The following LRRC37A2 variants were observed in gnomAD, a reference collection of about 807,000 sequenced individuals.
LRRC37A2 encodes leucine-rich repeat-containing protein 37A2.
In LRRC37A2, 9 loss-of-function variants were observed where a neutral mutation model predicts 68.8. That is an observed-to-expected ratio of 0.13 (90% CI 0.08 to 0.23). LRRC37A2 has a LOEUF of 0.23. LRRC37A2 is among the 10% of genes least tolerant of loss of function. LRRC37A2 has a pLI of 1.00. For synonymous variants in LRRC37A2, 63 were observed against 367.6 expected, an observed-to-expected ratio of 0.17 and a Z score of 9.48; for missense variants, 168 against 950.4, an observed-to-expected ratio of 0.18 and a Z score of 10.82.
the LRRC37A2 span, among the ~76,000 whole-genome samples, chr17:46,742,980 C>T: frequency 6.6e-6 from 1 of 152,190 alleles, no homozygotes; most frequent in African/African-American, 2.4e-5. Context: ...GCTTCTTACT[C>T]TTGGCTCTGA....
the LRRC37A2 span, chr17:46,940,300 C>T: frequency 2.1e-6 from 3 of 1,440,930 alleles, no homozygotes; most frequent in South Asian, 2.9e-5. Context: ...GCCAAATGGG[C>T]CCCAGGTTTC....
At chr17:46,885,132 G>A in the LRRC37A2 span, 1 of 398,892 alleles carries the variant, frequency 2.5e-6, no homozygotes, top group Non-Finnish European at 5.0e-6. Context: ...GGGATTACAG[G>A]CATGCACCAC....
At chr17:46,713,495 G>A in the LRRC37A2 span, 1 of 174,788 alleles carries the variant, frequency 5.7e-6, no homozygotes, top group African/African-American at 2.4e-5. Context: ...GTCTTTTTTT[G>A]TTAGACAAAT....
At chr17:46,890,164 G>A in the LRRC37A2 span, among the ~76,000 whole-genome samples, 13,089 of 152,098 alleles carry the variant, frequency 0.086, 789 homozygotes, top group Non-Finnish European at 0.13. Context: ...TCAGTCCCCC[G>A]CTGCTCCTGC....
the LRRC37A2 span, among the ~76,000 whole-genome samples, chr17:46,808,634 A>G: frequency 1.5e-3 from 226 of 152,350 alleles, 1 homozygote; most frequent in Non-Finnish European, 1.5e-3. Context: ...GGATCAGCAC[A>G]TAGCACATGG....
At chr17:46,957,079 C>T in the LRRC37A2 span, among the ~76,000 whole-genome samples, 1 of 152,080 alleles carries the variant, frequency 6.6e-6, no homozygotes, top group African/African-American at 2.4e-5. Flanking sequence ...GAGGCCCAGG[C>T]GGGTGGATCG....
chr17:46,935,246 T>G, the LRRC37A2 span: 1 of 1,609,732 alleles, frequency 6.2e-7, no homozygotes, highest in Non-Finnish European at 8.5e-7. Context: ...TGTGTTTATA[T>G]TTTGATTACG....
the LRRC37A2 span, among the ~76,000 whole-genome samples, chr17:46,715,487 T>C: frequency 6.6e-6 from 1 of 152,254 alleles, no homozygotes; most frequent in Non-Finnish European, 1.5e-5. Context: ...AAATCATCTA[T>C]TCCTGTGCTT....
chr17:46,989,302 C>T, the LRRC37A2 span, among the ~76,000 whole-genome samples: 3 of 152,198 alleles, frequency 2.0e-5, no homozygotes, highest in African/African-American at 7.2e-5. Context: ...ACAGATCCCA[C>T]GGCGGGACAC....
At chr17:46,935,096 A>G in the LRRC37A2 span, 12 of 1,613,318 alleles carry the variant, frequency 7.4e-6, no homozygotes, top group African/African-American at 1.1e-4. Flanking sequence ...AAAGTTCACA[A>G]CGGCATGGAT....
At chr17:46,738,419 T>G in the LRRC37A2 span, among the ~76,000 whole-genome samples, 1 of 152,186 alleles carries the variant, frequency 6.6e-6, no homozygotes. Context: ...TATTATACTT[T>G]AGCCTTTTTT....
chr17:46,496,904 G>T, the LRRC37A2 span, among the ~76,000 whole-genome samples: 1 of 142,160 alleles, frequency 7.0e-6, no homozygotes, highest in Non-Finnish European at 1.5e-5. Flanking sequence ...AACAGAGCAA[G>T]ACTCCATCTC....
the LRRC37A2 span, among the ~76,000 whole-genome samples, chr17:46,750,968 A>G: frequency 1.1e-3 from 172 of 152,302 alleles, no homozygotes; most frequent in Non-Finnish European, 1.6e-3. Flanking sequence ...TTAACTTTTA[A>G]TATCAATATT....
chr17:46,521,395 T>C (rs1339125097), intron 4 of LRRC37A2, among the ~76,000 whole-genome samples: 1 of 50,268 alleles, frequency 2.0e-5, no homozygotes, highest in African/African-American at 7.1e-5. Context: ...ACGTTTCCTT[T>C]AAAATAGTTA....
the LRRC37A2 span, among the ~76,000 whole-genome samples, chr17:47,003,275 T>G: frequency 7.0e-6 from 1 of 142,664 alleles, no homozygotes; most frequent in Non-Finnish European, 1.5e-5. Context: ...AGCTCAGCCA[T>G]GACCACCCTG....
chr17:46,990,113 G>A, the LRRC37A2 span, among the ~76,000 whole-genome samples: 3 of 152,234 alleles, frequency 2.0e-5, no homozygotes, highest in South Asian at 2.1e-4. Flanking sequence ...TCTGTCCAGT[G>A]ACAAGGCTAT....
chr17:46,813,597 C>G, the LRRC37A2 span, among the ~76,000 whole-genome samples: 1 of 151,894 alleles, frequency 6.6e-6, no homozygotes, highest in Non-Finnish European at 1.5e-5. Flanking sequence ...GGAAAAGGTT[C>G]TGCTCAACTC....
the LRRC37A2 span, chr17:46,755,531 C>G: frequency 2.8e-6 from 2 of 724,956 alleles, no homozygotes; most frequent in South Asian, 3.6e-5. Context: ...GTTGGTTGTA[C>G]TGTTGGTTTG....
chr17:46,839,793 T>A, the LRRC37A2 span, among the ~76,000 whole-genome samples: 1 of 152,144 alleles, frequency 6.6e-6, no homozygotes, highest in Non-Finnish European at 1.5e-5. Context: ...TTTCTATCCT[T>A]GTGATAGTTT....
Sources: gnomAD v4.1 joint callset for allele counts (sites outside exome capture counted in the v4.1 genomes callset) on GRCh38, gnomAD v4.1.1 for gene constraint, MANE v1.5 for transcripts, NCBI Gene and HGNC (gene_info 2026-07-23, HGNC 2026-07-21) for gene names.